Variants in PTPRD observed in about 807,000 individuals in gnomAD.
The protein encoded by PTPRD is protein tyrosine phosphatase receptor type D.
In PTPRD, 34 loss-of-function variants were observed where a neutral mutation model predicts 214.5. The ratio of observed to expected loss-of-function variants is 0.16; its 90% CI spans 0.12 to 0.21. PTPRD has a LOEUF of 0.21. PTPRD is among the 10% of genes least tolerant of loss of function. PTPRD has a pLI of 1.00. For synonymous variants in PTPRD, 1,128 were observed against 845.7 expected (o/e 1.33, Z -5.79); for missense variants, 2,545 against 2,398.7 (o/e 1.06, Z -1.27).
chr9:9,686,785 ATATAAC>A (rs1239141027), intron 7 of PTPRD, among the ~76,000 whole-genome samples: 1 of 151,782 alleles, frequency 6.6e-6, no homozygotes, highest in Admixed American at 6.6e-5. Context: ...CTATGCATAA[ATATAAC>A]TATAAGCAAA....
intron 8 of PTPRD, among the ~76,000 whole-genome samples, chr9:9,523,918 G>A (rs1037877966): frequency 6.6e-6 from 1 of 152,078 alleles, no homozygotes; most frequent in Admixed American, 6.5e-5. Context: ...ATGTGCTTCC[G>A]ACGGGCTGAC....
chr9:9,551,159 A>G (rs987539543), intron 8 of PTPRD, among the ~76,000 whole-genome samples: 5 of 151,950 alleles, frequency 3.3e-5, no homozygotes. Flanking sequence ...GAATGTTTCA[A>G]GGAGCTGGGG....
intron 10 of PTPRD, among the ~76,000 whole-genome samples, chr9:9,049,454 C>T (rs765099756): frequency 1.8e-4 from 28 of 152,148 alleles, no homozygotes; most frequent in Non-Finnish European, 4.4e-5. Context: ...TCTTTCACTT[C>T]TGGTTCACAG....
chr9:9,872,533 C>T (rs1304844792), intron 5 of PTPRD, among the ~76,000 whole-genome samples: 2 of 151,952 alleles, frequency 1.3e-5, no homozygotes, highest in South Asian at 2.1e-4. Context: ...CCGAGGATAT[C>T]GAGGCTATAG....
intron 9 of PTPRD, among the ~76,000 whole-genome samples, chr9:9,384,468 T>C (rs1016474772): frequency 8.0e-5 from 12 of 150,110 alleles, no homozygotes; most frequent in African/African-American, 2.9e-4. Context: ...TCACCTGGTA[T>C]GTTGAGGTCG....
chr9:9,618,387 G>GA (rs921215504), intron 7 of PTPRD, among the ~76,000 whole-genome samples: 85 of 146,358 alleles, frequency 5.8e-4, no homozygotes, highest in East Asian at 1.6e-3. Context: ...TATGGATTAA[G>GA]AAAAAAAAAA....
intron 11 of PTPRD, among the ~76,000 whole-genome samples, chr9:8,756,899 G>T (rs1177627629): frequency 1.3e-5 from 2 of 152,120 alleles, no homozygotes; most frequent in African/African-American, 2.4e-5. Flanking sequence ...CCAGCACCTT[G>T]GGAGGCCGAG....
intron 9 of PTPRD, among the ~76,000 whole-genome samples, chr9:9,273,848 C>T (rs990163606): frequency 1.3e-5 from 2 of 151,190 alleles, no homozygotes; most frequent in African/African-American, 4.8e-5. Flanking sequence ...ATCATTCAGT[C>T]TTCTTATTTT....
intron 12 of PTPRD, among the ~76,000 whole-genome samples, chr9:8,638,748 G>C (rs766252603): frequency 1.4e-4 from 21 of 152,138 alleles, no homozygotes; most frequent in Non-Finnish European, 2.9e-4. Flanking sequence ...CCCTGCTAGA[G>C]ATCATAACCT....
intron 8 of PTPRD, among the ~76,000 whole-genome samples, chr9:9,468,646 G>C (rs1202924785): frequency 6.6e-6 from 1 of 151,678 alleles, no homozygotes; most frequent in East Asian, 1.9e-4. Flanking sequence ...TATAAACCCA[G>C]TACTTTTTTT....
chr9:9,221,844 G>A (rs1011097260), intron 9 of PTPRD, among the ~76,000 whole-genome samples: 7 of 151,958 alleles, frequency 4.6e-5, no homozygotes, highest in African/African-American at 1.7e-4. Flanking sequence ...GCATGATGTT[G>A]CACAAACGCT....
chr9:8,358,084 C>T (rs1436659132), intron 39 of PTPRD, among the ~76,000 whole-genome samples: 2 of 152,142 alleles, frequency 1.3e-5, no homozygotes, highest in African/African-American at 4.8e-5. Flanking sequence ...GATTGTGACA[C>T]TTCTACTCTA....
chr9:8,794,904 T>C (rs1258259995), intron 11 of PTPRD, among the ~76,000 whole-genome samples: 1 of 151,880 alleles, frequency 6.6e-6, no homozygotes, highest in African/African-American at 2.4e-5. Flanking sequence ...GGATAAATGG[T>C]CAATGAGTGA....
Position 9,425,434 on chromosome 9 carries a change from T to A in PTPRD, c.-236-27952A>T, listed in dbSNP as rs570307910. Among the ~76,000 whole-genome samples, 16 of 147,112 alleles carry A rather than the reference T, an allele frequency of 1.1e-4. No homozygotes were observed. The East Asian group carries it at 3.1e-3, about 29-fold the overall frequency. On this transcript the variant is annotated intron_variant, in intron 8 of 45. Coordinates refer to ENST00000381196, the MANE Select transcript of PTPRD (RefSeq NM_002839.4). ...AAATATATAATATTATAATATCTTA[T>A]ACATTATATAATTTATAATATAAAA...
chr9:10,363,638 T>C (rs1442883943), intron 2 of PTPRD, among the ~76,000 whole-genome samples: 1 of 152,202 alleles, frequency 6.6e-6, no homozygotes, highest in East Asian at 1.9e-4. Flanking sequence ...CAAGATATCT[T>C]ACAGTTAAAA....
At chr9:8,404,715 T>G in intron 35 of PTPRD, 55 bp from the exon 36 acceptor site, 1 of 1,547,504 alleles carries the variant, frequency 6.5e-7, no homozygotes, top group Non-Finnish European at 8.8e-7. Context: ...ACCACCAGAT[T>G]ATAGGCATTT....
chr9:10,175,805 T>G (rs2099244800), intron 3 of PTPRD, among the ~76,000 whole-genome samples: 1 of 151,976 alleles, frequency 6.6e-6, no homozygotes, highest in Non-Finnish European at 1.5e-5. Context: ...ATAAGTAATG[T>G]TATACTCAAC....
At chr9:10,576,171 G>A (rs931013967) in intron 2 of PTPRD, among the ~76,000 whole-genome samples, 8 of 152,090 alleles carry the variant, frequency 5.3e-5, no homozygotes, top group Admixed American at 3.9e-4. Flanking sequence ...TTTGCCTAAA[G>A]GCTATCAGTA....
At chr9:8,848,614 T>C (rs2097755178) in intron 11 of PTPRD, among the ~76,000 whole-genome samples, 2 of 151,858 alleles carry the variant, frequency 1.3e-5, no homozygotes, top group African/African-American at 2.4e-5. Flanking sequence ...AACATAGATT[T>C]TTCTTGAATT....
Sources: gnomAD v4.1 joint callset for allele counts (sites outside exome capture counted in the v4.1 genomes callset) on GRCh38, gnomAD v4.1.1 for gene constraint, MANE v1.5 for transcripts, NCBI Gene and HGNC (gene_info 2026-07-23, HGNC 2026-07-21) for gene names.